Variants in NFIA observed in about 807,000 individuals in gnomAD.
NFIA encodes nuclear factor I A.
NFIA carries 8 observed loss-of-function variants against 62.8 expected under a neutral mutation model. The ratio of observed to expected loss-of-function variants is 0.13; its 90% confidence interval spans 0.07 to 0.23. The LOEUF (loss-of-function observed/expected upper bound fraction) is 0.23, where lower values mean the gene tolerates loss of function less well. NFIA is among the 10% of genes least tolerant of loss of function. NFIA has a pLI of 1.00. For missense variants in NFIA, 410 were observed against 642.1 expected (o/e 0.64, Z 3.91); for synonymous variants, 235 against 238.1 (o/e 0.99, Z 0.12).
intron 10 of NFIA, among the ~76,000 whole-genome samples, chr1:61,435,744 A>C (rs1355952574): frequency 6.6e-6 from 1 of 152,212 alleles, no homozygotes; most frequent in East Asian, 1.9e-4. Flanking sequence ...ACCTAGGACC[A>C]GTCACATTTG....
chr1:61,333,740 G>A (rs1366548916), intron 4 of NFIA, among the ~76,000 whole-genome samples: 5 of 152,192 alleles, frequency 3.3e-5, no homozygotes, highest in Admixed American at 2.0e-4. Context: ...GCTCACGCTT[G>A]TAATCCCAGC....
At chr1:61,077,349 A>C, upstream of NFIA, 1 of 353,822 alleles carries the variant, frequency 2.8e-6, no homozygotes, top group Non-Finnish European at 5.0e-6. Flanking sequence ...CGCTTTCAAA[A>C]GAGAGAGTGA....
intron 2 of NFIA, among the ~76,000 whole-genome samples, chr1:61,111,272 A>G (rs540837475): frequency 1.3e-5 from 2 of 152,232 alleles, no homozygotes; most frequent in South Asian, 2.1e-4. Context: ...TCCTATAACA[A>G]TAACTGCCAT....
At position 61,242,526 on chromosome 1, in the gene NFIA, T is replaced by G. The variant is rs116865137; in HGVS notation, c.560-34994T>G. Among the ~76,000 whole-genome samples, 782 of 152,310 alleles carry G rather than the reference T, an allele frequency of 5.1e-3. 6 individuals carry two copies. Among genetic ancestry groups the G allele is most frequent in the East Asian group, 0.018 (95 of 5,182 alleles). ...AACCAGTACTAAACTAAGTTGAAAATGGCAGGATTTGTGGTAGTTTGAAGA... is the reference window on the plus strand; with the variant it reads ...AACCAGTACTAAACTAAGTTGAAAAGGGCAGGATTTGTGGTAGTTTGAAGA... On this transcript the variant is annotated intron_variant, in intron 2 of 10. Transcript: ENST00000403491.
chr1:61,432,060 C>T (rs574576280), intron 10 of NFIA, among the ~76,000 whole-genome samples: 2 of 152,174 alleles, frequency 1.3e-5, no homozygotes, highest in African/African-American at 2.4e-5. Context: ...ACAGTGTAAT[C>T]GCAGTACTAT....
intron 7 of NFIA, among the ~76,000 whole-genome samples, chr1:61,394,316 G>A (rs1665158564): frequency 6.6e-6 from 1 of 152,018 alleles, no homozygotes; most frequent in African/African-American, 2.4e-5. Flanking sequence ...TGGGACTACA[G>A]GTACACGCCA....
At chr1:61,439,272 A>G (rs1381217187) in intron 10 of NFIA, among the ~76,000 whole-genome samples, 1 of 152,154 alleles carries the variant, frequency 6.6e-6, no homozygotes, top group Non-Finnish European at 1.5e-5. Context: ...TGGTACAGTA[A>G]TTGTTACAAG....
chr1:61,340,245 C>T (rs1436381432), intron 4 of NFIA, among the ~76,000 whole-genome samples: 1 of 152,200 alleles, frequency 6.6e-6, no homozygotes, highest in Non-Finnish European at 1.5e-5. Flanking sequence ...GTCATGGTCT[C>T]TATTCGTATG....
chr1:61,209,960 A>T (rs1387747095), intron 2 of NFIA, among the ~76,000 whole-genome samples: 1 of 152,244 alleles, frequency 6.6e-6, no homozygotes. Flanking sequence ...TAACATTAAC[A>T]TCTTGGTATA....
chr1:61,209,284 G>A (rs1047058444), intron 2 of NFIA, among the ~76,000 whole-genome samples: 9 of 152,198 alleles, frequency 5.9e-5, no homozygotes, highest in African/African-American at 2.2e-4. Context: ...GTAAAAAGCC[G>A]TCGTGTGTAT....
intron 2 of NFIA, among the ~76,000 whole-genome samples, chr1:61,236,820 G>A (rs1655041162): frequency 6.6e-6 from 1 of 152,024 alleles, no homozygotes; most frequent in Admixed American, 6.6e-5. Context: ...AAGAGCTATG[G>A]CAATCACTCT....
chr1:61,243,492 G>A (rs1447461717), intron 2 of NFIA, among the ~76,000 whole-genome samples: 3 of 152,028 alleles, frequency 2.0e-5, no homozygotes, highest in East Asian at 3.9e-4. Context: ...AAATCATAGT[G>A]CATTTTAAAT....
chr1:61,312,778 G>T (rs758513706), intron 3 of NFIA, among the ~76,000 whole-genome samples: 7 of 151,978 alleles, frequency 4.6e-5, no homozygotes, highest in Admixed American at 1.3e-4. Flanking sequence ...CTTCCAAAGT[G>T]CTGGGATTAC....
chr1:61,401,377 A>G (rs1007916202), intron 7 of NFIA, among the ~76,000 whole-genome samples: 2 of 152,244 alleles, frequency 1.3e-5, no homozygotes, highest in Admixed American at 6.5e-5. Context: ...TTAGTAAAAT[A>G]AAAAACGAAG....
intron 2 of NFIA, among the ~76,000 whole-genome samples, chr1:61,217,099 C>T (rs1412297766): frequency 2.0e-5 from 3 of 150,170 alleles, no homozygotes; most frequent in African/African-American, 7.4e-5. Flanking sequence ...CTCTGTCACC[C>T]AGGCTAGAGT....
At chr1:61,387,554 C>T (rs929855091) in intron 7 of NFIA, among the ~76,000 whole-genome samples, 1 of 149,754 alleles carries the variant, frequency 6.7e-6, no homozygotes, top group Non-Finnish European at 1.5e-5. Context: ...CCCAGCTTGC[C>T]ATCATCTCAC....
intron 2 of NFIA, among the ~76,000 whole-genome samples, chr1:61,225,092 C>T (rs1481698332): frequency 6.6e-6 from 1 of 151,840 alleles, no homozygotes; most frequent in Non-Finnish European, 1.5e-5. Flanking sequence ...CTTAAGTTTG[C>T]TCCATTCCTC....
chr1:61,401,102 A>T lies in NFIA; in HGVS notation c.1076-3002A>T, dbSNP rs893762276. ...AAATGAAGGTTCAGGATCTCGAATGATTTCTCTCCAGTTGCACAGTGAACT... is the reference window on the plus strand; with the variant it reads ...AAATGAAGGTTCAGGATCTCGAATGTTTTCTCTCCAGTTGCACAGTGAACT... On this transcript the variant is annotated intron_variant, in intron 7 of 10. Coordinates refer to ENST00000403491, the MANE Select transcript of NFIA (RefSeq NM_001134673.4). Among the ~76,000 whole-genome samples the T allele has an allele frequency of 2.6e-5, 4 of 152,300 alleles. No homozygotes were observed. In the East Asian group the frequency reaches 7.7e-4, roughly 29 times the overall value.
At chr1:61,343,403 T>C (rs1187556306) in intron 4 of NFIA, among the ~76,000 whole-genome samples, 1 of 152,236 alleles carries the variant, frequency 6.6e-6, no homozygotes, top group African/African-American at 2.4e-5. Flanking sequence ...CCTTTTCTCC[T>C]TCCGCCACCA....
Sources: allele counts gnomAD v4.1 joint callset (sites outside exome capture counted in the v4.1 genomes callset), GRCh38; gene constraint gnomAD v4.1.1; transcripts MANE v1.5; gene names NCBI Gene and HGNC (gene_info 2026-07-23, HGNC 2026-07-21).